Variants in CD72 observed in about 807,000 individuals in gnomAD.
CD72 encodes the protein B-cell differentiation antigen CD72.
Under a neutral mutation model 50.7 loss-of-function variants are expected in CD72, and 28 were observed. That is an observed-to-expected ratio of 0.55 (90% confidence interval 0.41 to 0.76). The LOEUF is 0.76. Among genes scored for constraint, CD72 ranks in the 30% least tolerant of loss-of-function variants. CD72 has a pLI of 0.00. For synonymous variants in CD72, 176 were observed against 171.2 expected, an observed-to-expected ratio of 1.03 and a Z score of -0.22; for missense variants, 403 against 420.6, an observed-to-expected ratio of 0.96 and a Z score of 0.37.
intron 1 of CD72, among the ~76,000 whole-genome samples, chr9:35,638,085 A>G (rs183531614): frequency 6.6e-6 from 1 of 152,280 alleles, no homozygotes; most frequent in African/African-American, 2.4e-5. Flanking sequence ...CAATTTGTCT[A>G]TCCTACAAGA....
intron 1 of CD72, among the ~76,000 whole-genome samples, chr9:35,636,417 A>G (rs1441190204): frequency 1.3e-5 from 2 of 152,242 alleles, no homozygotes; most frequent in Non-Finnish European, 2.9e-5. Context: ...AACCAGAACA[A>G]CTAAGTAGAG....
chr9:35,616,626 A>G lies in CD72; in HGVS notation c.326T>C (p.Val109Ala). The change falls in exon 4 of 9, where the codon GTG (valine) becomes GCG (alanine). Residue 109 changes from valine (V) to alanine (A), a missense_variant. By Grantham distance (64) the Val-to-Ala change is moderately conservative. Transcript: ENST00000259633. ...GLLLTCLLLG[V>A]TAICLGVRYL... ...GCGCACTCCCAGGCAGATGGCGGTC[A>G]CTCCTAACAGCAGGCAGGTGAGGAG... 3.7e-6 allele frequency: 6 copies of G among 1,613,946 alleles called. No homozygotes were observed. Among genetic ancestry groups the G allele is most frequent in the Middle Eastern group, 1.7e-4 (1 of 6,006 alleles).
intron 1 of CD72, among the ~76,000 whole-genome samples, chr9:35,629,309 C>T (rs976061284): frequency 1.4e-4 from 22 of 151,986 alleles, no homozygotes; most frequent in Non-Finnish European, 2.2e-4. Flanking sequence ...TTCTATCCCC[C>T]CAGAATTTTA....
rs1823049163 is a variant in CD72 at position 35,615,409 on chromosome 9, A to G, written c.688+534T>C. 2.6e-5 allele frequency among the ~76,000 whole-genome samples: 4 copies of G among 151,860 alleles called. No homozygotes were observed. The South Asian group carries it at 8.3e-4, about 32-fold the overall frequency. On this transcript the variant is annotated intron_variant, in intron 5 of 8. Transcript: ENST00000259633. ...CTTACTGGCTGGGGTCCTGCTTTCA[A>G]AATGAATGGACACCCCATCCTAGTT... is the stretch of plus-strand genomic sequence containing the variant.
chr9:35,616,942 G>A, intron 3 of CD72: 1 of 1,400,768 alleles, frequency 7.1e-7, no homozygotes, highest in Non-Finnish European at 9.4e-7. Context: ...AATATCAGAC[G>A]GAGAGAGGGG....
At chr9:35,622,302 CAA>C (rs1310642196), upstream of CD72, among the ~76,000 whole-genome samples, 2 of 152,130 alleles carry the variant, frequency 1.3e-5, no homozygotes, top group Admixed American at 6.6e-5. Flanking sequence ...TCACTGAAGC[CAA>C]AGAGTACAGA....
intron 1 of CD72, among the ~76,000 whole-genome samples, chr9:35,641,633 C>T (rs1823341199): frequency 6.6e-6 from 1 of 152,160 alleles, no homozygotes; most frequent in South Asian, 2.1e-4. Flanking sequence ...CATTCTATTT[C>T]TTCTTCTGAG....
At chr9:35,635,912 A>G (rs1476169560) in intron 1 of CD72, among the ~76,000 whole-genome samples, 1 of 152,200 alleles carries the variant, frequency 6.6e-6, no homozygotes, top group South Asian at 2.1e-4. Context: ...AGTTTCCTAG[A>G]ATTCTCTTGC....
chr9:35,617,324 C>T (rs1823081850), intron 2 of CD72, 77 bp from the exon 3 acceptor site: 2 of 1,464,456 alleles, frequency 1.4e-6, no homozygotes, highest in Admixed American at 2.4e-5. Flanking sequence ...CCGCTTCGCC[C>T]TCGCCACTGG....
At chr9:35,642,844 T>C (rs1823352173) in intron 1 of CD72, 1 of 152,194 alleles carries the variant, frequency 6.6e-6, no homozygotes, top group Admixed American at 6.5e-5. Flanking sequence ...TTATTCTTAA[T>C]ATGCATTTTA....
Position 35,612,874 on chromosome 9 carries a change from T to C in CD72, c.808A>G (p.Thr270Ala). The change falls in exon 6 of 9, where the codon ACA (threonine) becomes GCA (alanine). Residue 270 changes from threonine (T) to alanine (A), a missense_variant. By Grantham distance (58) the Thr-to-Ala change is moderately conservative (BLOSUM62 0). Coordinates refer to ENST00000259633, the MANE Select transcript of CD72 (RefSeq NM_001782.3). The part of the protein sequence containing the change: ...QCETLSSKLA[T>A]FSEIYPQSHS... ...GATTGTGGATAAATTTCACTGAATG[T>C]GGCCAGCTTGGAAGACAGAGTTTCA... The C allele has an allele frequency of 3.1e-6, 5 of 1,614,218 alleles. No individual in the cohort carries two copies. The highest frequency in any genetic ancestry group is 4.2e-6 in the Non-Finnish European group (5 of 1,180,032).
At chr9:35,639,024 C>CTTTT (rs111373051) in intron 1 of CD72, among the ~76,000 whole-genome samples, 1 of 140,990 alleles carries the variant, frequency 7.1e-6, no homozygotes, top group Non-Finnish European at 1.6e-5. Flanking sequence ...CCGCCTTATT[C>CTTTT]TTTTTTTTTT....
At chr9:35,628,780 A>C (rs896367466) in intron 1 of CD72, among the ~76,000 whole-genome samples, 1 of 152,206 alleles carries the variant, frequency 6.6e-6, no homozygotes, top group African/African-American at 2.4e-5. Context: ...GGAGTGGGAG[A>C]GTAACTGTGT....
At chr9:35,630,235 G>A (rs992344689) in intron 1 of CD72, among the ~76,000 whole-genome samples, 6 of 151,714 alleles carry the variant, frequency 4.0e-5, no homozygotes, top group Admixed American at 3.3e-4. Context: ...AAGGGGTTTC[G>A]CCATGTTGGC....
intron 1 of CD72, among the ~76,000 whole-genome samples, chr9:35,645,108 A>C (rs1311994030): frequency 6.6e-6 from 1 of 151,810 alleles, no homozygotes; most frequent in Non-Finnish European, 1.5e-5. Flanking sequence ...TTGAGGCAGA[A>C]GAATCGCTTG....
intron 1 of CD72, among the ~76,000 whole-genome samples, chr9:35,635,340 CTCTA>C (rs1371650102): frequency 6.6e-6 from 1 of 152,200 alleles, no homozygotes; most frequent in Admixed American, 6.5e-5. Flanking sequence ...GTTAAGTCTA[CTCTA>C]TCTGTTCCAG....
chr9:35,615,794 C>T, intron 5 of CD72, 149 bp downstream of exon 5: 1 of 641,536 alleles, frequency 1.6e-6, no homozygotes, highest in South Asian at 2.0e-5. Flanking sequence ...TCTCTGTTGG[C>T]CAAGGCTGAA....
chr9:35,620,471 C>CAAA (rs1043285697), upstream of CD72, among the ~76,000 whole-genome samples: 1 of 112,902 alleles, frequency 8.9e-6, no homozygotes, highest in Non-Finnish European at 1.9e-5. Context: ...GCTCCATCTC[C>CAAA]AAAAAAAAAA....
intron 5 of CD72, among the ~76,000 whole-genome samples, chr9:35,615,489 C>T (rs1420211622): frequency 6.6e-6 from 1 of 152,124 alleles, no homozygotes; most frequent in Non-Finnish European, 1.5e-5. Flanking sequence ...CGCCTCACTG[C>T]CTTGCCCCAC....
Sources: allele counts gnomAD v4.1 joint callset (sites outside exome capture counted in the v4.1 genomes callset), GRCh38; gene constraint gnomAD v4.1.1; transcripts MANE v1.5; gene names NCBI Gene and HGNC (gene_info 2026-07-23, HGNC 2026-07-21).